Variants in ZNF205 observed in about 807,000 individuals in gnomAD.
ZNF205 encodes transcriptional repressor RHIT.
ZNF205 carries 32 observed loss-of-function variants against 53.6 expected under a neutral mutation model. That is an observed-to-expected ratio of 0.60 (90% CI 0.45 to 0.80). ZNF205 has a LOEUF of 0.80. Among genes scored for constraint, ZNF205 ranks in the 30% least tolerant of loss-of-function variants. ZNF205 has a pLI of 0.00. For synonymous variants in ZNF205, 382 were observed against 334.3 expected (o/e 1.14, Z -1.56); for missense variants, 836 against 782.4 (o/e 1.07, Z -0.82).
Position 3,115,412 on chromosome 16 carries a change from C to A in ZNF205, c.115C>A (p.Pro39Thr). ...GCCTTCTAAGCTGGGGGAGGCGGTACCTTCAGGGGACACTCAGGAGTCACT... is the reference window on the plus strand; with the variant it reads ...GCCTTCTAAGCTGGGGGAGGCGGTAACTTCAGGGGACACTCAGGAGTCACT... ...EMPSKLGEAVPSGDTQESLHI... is the reference protein window; with the variant it reads ...EMPSKLGEAVTSGDTQESLHI... The change falls in exon 3 of 7, where the codon CCT becomes ACT. Residue 39 changes from proline to threonine, a missense_variant. Transcript: ENST00000219091. The A allele has an allele frequency of 6.2e-7, 1 of 1,610,090 alleles. No individual in the cohort carries two copies. Among genetic ancestry groups the A allele is most frequent in the Non-Finnish European group, 8.5e-7 (1 of 1,178,244 alleles).
rs757298309 is a variant in ZNF205, at chr16:3,118,952, G to A, written c.532G>A (p.Gly178Ser). The A allele has an allele frequency of 5.0e-6, 8 of 1,613,578 alleles. No individual in the cohort carries two copies. The highest frequency in any genetic ancestry group is 6.8e-6 in the Non-Finnish European group (8 of 1,179,998). The change falls in exon 6 of 7, where the codon GGT becomes AGT. Residue 178 changes from glycine (G) to serine (S), a missense_variant. Transcript: ENST00000219091. ...PFWAPQAHGK[G>S]EASGSSRQAG... Reference sequence around the variant, plus strand: ...CTGGGCCCCTCAAGCGCACGGCAAGGGTGAGGCCTCGGGCTCCAGCCGGCA... The same window carrying A: ...CTGGGCCCCTCAAGCGCACGGCAAGAGTGAGGCCTCGGGCTCCAGCCGGCA...
intron 5 of ZNF205, among the ~76,000 whole-genome samples, chr16:3,117,798 C>T (rs111388627): frequency 1.1e-4 from 17 of 150,910 alleles, no homozygotes; most frequent in African/African-American, 3.2e-4. Flanking sequence ...AGTTTTAATA[C>T]GGAAAAATCA....
In ZNF205 at chr16:3,112,644, G is replaced by A. The variant is rs1596295500; in HGVS notation, c.-53G>A. On this transcript the variant is annotated 5_prime_UTR_variant, in exon 1 of 7. Transcript: ENST00000219091. ...GGAGACTCCCTTCCCGGGGGAGGGG[G>A]CCCCCACTGCCGCAGGTGCCCCCTC... 1.6e-5 allele frequency: 5 copies of A among 304,382 alleles called. No homozygotes were observed. The highest frequency in any genetic ancestry group is 3.3e-5 in the Non-Finnish European group (5 of 150,724). The allele number at this position is 304,382 out of a possible 1,614,324, so 18.9% of individuals were successfully genotyped here.
chr16:3,120,494 C>G lies in ZNF205; in HGVS notation c.*169C>G. 1 of 824,812 alleles carries G rather than the reference C, an allele frequency of 1.2e-6. No individual in the cohort carries two copies. Among genetic ancestry groups the G allele is most frequent in the Non-Finnish European group, 1.8e-6 (1 of 545,212 alleles). The allele number at this position is 824,812 out of a possible 1,614,324, so 51.1% of individuals were successfully genotyped here. On this transcript the variant is annotated 3_prime_UTR_variant, in exon 7 of 7. Transcript: ENST00000219091. ...AGGGCGAGAAAGGGCAGGCACTCTG[C>G]GAATTAAAGGCCTTGGACTTGAAGC...
Position 3,115,329 on chromosome 16 carries a change from G to T in ZNF205, c.58-26G>T, listed in dbSNP as rs949454314. ...CCTGGGTGTCTCTCCCACTCATCTGGGTGCTGATGGGGCTGTCCTTTCTAG... is the reference window on the plus strand; with the variant it reads ...CCTGGGTGTCTCTCCCACTCATCTGTGTGCTGATGGGGCTGTCCTTTCTAG... On this transcript the variant is annotated intron_variant, in intron 2 of 6. Coordinates refer to ENST00000219091, the MANE Select transcript of ZNF205 (RefSeq NM_001042428.2). The T allele has an allele frequency of 1.2e-5, 19 of 1,525,600 alleles. No individual in the cohort carries two copies. In the African/African-American group the frequency reaches 2.5e-4, roughly 20 times the overall value. 94.5% of individuals were successfully genotyped at this position (1,525,600 alleles called of 1,614,324 possible).
chr16:3,113,146 GCTT>G (rs1033313105), intron 1 of ZNF205, among the ~76,000 whole-genome samples: 6 of 152,198 alleles, frequency 3.9e-5, no homozygotes. Flanking sequence ...CGAGGCTCTT[GCTT>G]CAGCAATAAA....
In ZNF205 at chr16:3,115,852, G is replaced by A. The variant is rs767306298; in HGVS notation, c.295G>A (p.Val99Met). 27 of 1,613,784 alleles carry A rather than the reference G, an allele frequency of 1.7e-5. No homozygotes were observed. Among genetic ancestry groups the A allele is most frequent in the African/African-American group, 2.7e-5 (2 of 74,932 alleles). ...AGCCCTCCCCTCCCCCCGGATCCCC[G>A]TGCTTTCCCGAGAGGGGAGGACCAG... ...GGALPSPRIP[V>M]LSREGRTRDR... is the part of the protein sequence containing the mutation. Residue 99 changes from valine to methionine, a missense_variant, in exon 4 of 7, where the codon GTG becomes ATG. Transcript: ENST00000219091.
chr16:3,117,650 G>A (rs371105343), intron 5 of ZNF205, among the ~76,000 whole-genome samples: 48 of 151,072 alleles, frequency 3.2e-4, no homozygotes, highest in South Asian at 1.9e-3. Context: ...ATGGGATCTC[G>A]CTATGTTGCC....
At chr16:3,117,850 A>G (rs1957364389) in intron 5 of ZNF205, among the ~76,000 whole-genome samples, 1 of 133,180 alleles carries the variant, frequency 7.5e-6, no homozygotes, top group Middle Eastern at 4.5e-3. Flanking sequence ...GTTGACGCTT[A>G]GCTTTTTTTT....
At position 3,120,333 on chromosome 16, in the gene ZNF205, G is replaced by A. The variant is rs775525388; in HGVS notation, c.*8G>A. On this transcript the variant is annotated 3_prime_UTR_variant, in exon 7 of 7. Transcript: ENST00000219091. ...CCACCCGCTCCCACCTAGGAGGCCAGGAAAGGGGGAGCGGGGCGCCCAGGG... is the reference window on the plus strand; with the variant it reads ...CCACCCGCTCCCACCTAGGAGGCCAAGAAAGGGGGAGCGGGGCGCCCAGGG... The A allele has an allele frequency of 1.3e-6, 2 of 1,514,128 alleles. No homozygotes were observed. The highest frequency in any genetic ancestry group is 1.3e-5 in the South Asian group (1 of 79,878). The allele number at this position is 1,514,128 out of a possible 1,614,324, so 93.8% of individuals were successfully genotyped here.
chr16:3,118,589 A>G (rs1287167642), intron 5 of ZNF205, among the ~76,000 whole-genome samples: 1 of 152,142 alleles, frequency 6.6e-6, no homozygotes, highest in Non-Finnish European at 1.5e-5. Flanking sequence ...TTGGAGGGCC[A>G]CTACCCTTGC....
intron 5 of ZNF205, among the ~76,000 whole-genome samples, chr16:3,118,508 C>T (rs1957374270): frequency 1.3e-5 from 2 of 152,218 alleles, no homozygotes; most frequent in South Asian, 4.1e-4. Context: ...GGCCACACCC[C>T]CCCAAGACTT....
chr16:3,117,733 G>A lies in ZNF205; in HGVS notation c.485-1172G>A, dbSNP rs143980994. Reference sequence around the variant, plus strand: ...CTCCCAAAGTGTTGGGATTATAGGCGTGAGCCACTGTGCCCAGCCATCCCA... The same window carrying A: ...CTCCCAAAGTGTTGGGATTATAGGCATGAGCCACTGTGCCCAGCCATCCCA... On this transcript the variant is annotated intron_variant, in intron 5 of 6. Transcript: ENST00000219091. Among the ~76,000 whole-genome samples the A allele has an allele frequency of 4.3e-3, 658 of 152,082 alleles. 7 individuals carry two copies. Among genetic ancestry groups the A allele is most frequent in the African/African-American group, 0.015 (611 of 41,490 alleles).
intron 3 of ZNF205, 24 bp from the exon 4 acceptor site, chr16:3,115,805 G>A (rs762728122): frequency 3.3e-5 from 53 of 1,599,150 alleles, no homozygotes; most frequent in Middle Eastern, 1.7e-4. Flanking sequence ...GCTGATCACC[G>A]TGAGGACCTC....
intron 5 of ZNF205, among the ~76,000 whole-genome samples, chr16:3,117,259 T>C (rs1392668114): frequency 6.6e-6 from 1 of 152,062 alleles, no homozygotes; most frequent in Non-Finnish European, 1.5e-5. Context: ...TTCAGAGGTG[T>C]CTGAGCAGCA....
intron 2 of ZNF205, 140 bp downstream of exon 2, chr16:3,113,627 A>G (rs748944107): frequency 1.1e-6 from 1 of 890,664 alleles, no homozygotes; most frequent in Admixed American, 2.9e-5. Context: ...CATGCTGGGT[A>G]GTACCCTCTG....
At position 3,120,103 on chromosome 16, in the gene ZNF205, C is replaced by T. The variant is rs764953677; in HGVS notation, c.1443C>T (p.Cys481=). The change falls in exon 7 of 7, where the codon TGC becomes TGT. Residue 481 remains cysteine (C), a synonymous_variant. Transcript: ENST00000219091. ...AGAAGCCCTACCACTGCCTCGACTG[C>T]GGCAAGAGCTTCAGCCACAGCTCGC... ...TGEKPYHCLD[C]GKSFSHSSHL... 1.2e-6 allele frequency: 2 copies of T among 1,613,840 alleles called. No individual in the cohort carries two copies. Among genetic ancestry groups the T allele is most frequent in the Non-Finnish European group, 1.7e-6 (2 of 1,179,868 alleles).
At chr16:3,114,168 T>C (rs1363255679) in intron 2 of ZNF205, among the ~76,000 whole-genome samples, 1 of 152,196 alleles carries the variant, frequency 6.6e-6, no homozygotes, top group Admixed American at 6.5e-5. Flanking sequence ...TCCCATCCAC[T>C]TCCCGTGTGC....
At chr16:3,113,021 G>A (rs1452872565) in intron 1 of ZNF205, 2 of 222,440 alleles carry the variant, frequency 9.0e-6, no homozygotes, top group Non-Finnish European at 1.8e-5. Context: ...CTTGACGGGC[G>A]GGGCCCCACC....
Sources: gnomAD v4.1 joint callset for allele counts (sites outside exome capture counted in the v4.1 genomes callset) on GRCh38, gnomAD v4.1.1 for gene constraint, MANE v1.5 for transcripts, NCBI Gene and HGNC (gene_info 2026-07-23, HGNC 2026-07-21) for gene names.